The following PATJ variants were observed in gnomAD, a reference collection of about 807,000 sequenced individuals.
PATJ encodes inaD-like protein.
A neutral mutation model predicts 224.9 loss-of-function variants in PATJ; 190 were observed. The ratio of observed to expected loss-of-function variants is 0.84; its 90% CI spans 0.75 to 0.95. The LOEUF is 0.95. Among genes scored for constraint, PATJ ranks in the 40% least tolerant of loss-of-function variants. The probability of loss-of-function intolerance (pLI) is 0.00; values close to 1 mark genes in which losing one functional copy is unlikely to be tolerated. For missense variants in PATJ, 2,121 were observed against 2,270.3 expected (o/e 0.93, Z 1.34); for synonymous variants, 769 against 820.3 (o/e 0.94, Z 1.07).
intron 16 of PATJ, among the ~76,000 whole-genome samples, chr1:61,827,932 C>G (rs567594174): frequency 6.6e-6 from 1 of 152,216 alleles, no homozygotes; most frequent in South Asian, 2.1e-4. Flanking sequence ...CTAATGTACT[C>G]CCCTTTTTAA....
intron 30 of PATJ, among the ~76,000 whole-genome samples, chr1:62,041,990 A>C (rs1488687763): frequency 1.3e-5 from 2 of 152,094 alleles, no homozygotes; most frequent in African/African-American, 4.8e-5. Context: ...CCATCTCAAA[A>C]ATAAATAAGT....
intron 25 of PATJ, among the ~76,000 whole-genome samples, chr1:61,912,795 G>A (rs919354794): frequency 3.3e-5 from 5 of 152,034 alleles, no homozygotes; most frequent in African/African-American, 1.2e-4. Context: ...CTTCTATTTA[G>A]CATCAGCTAG....
At chr1:62,049,767 G>A (rs902850656) in intron 30 of PATJ, among the ~76,000 whole-genome samples, 1 of 152,096 alleles carries the variant, frequency 6.6e-6, no homozygotes, top group South Asian at 2.1e-4. Flanking sequence ...AAAAAGTCAC[G>A]AAAGAAAACA....
At chr1:62,111,763 C>G (rs972931065) in intron 34 of PATJ, among the ~76,000 whole-genome samples, 1 of 151,400 alleles carries the variant, frequency 6.6e-6, no homozygotes, top group Non-Finnish European at 1.5e-5. Context: ...CAGGTTCAAG[C>G]AATTCTCCTG....
intron 27 of PATJ, among the ~76,000 whole-genome samples, chr1:61,949,814 G>A (rs1367755590): frequency 2.3e-5 from 3 of 129,464 alleles, no homozygotes; most frequent in Non-Finnish European, 5.2e-5. Flanking sequence ...GCTGAGGCAG[G>A]AGAATCACAT....
chr1:61,862,280 T>A (rs1305539353), intron 19 of PATJ, among the ~76,000 whole-genome samples: 1 of 151,144 alleles, frequency 6.6e-6, no homozygotes, highest in African/African-American at 2.4e-5. Flanking sequence ...CACTGCAACC[T>A]TTGCCTCCCA....
intron 27 of PATJ, among the ~76,000 whole-genome samples, chr1:61,936,633 G>A (rs1185541499): frequency 7.9e-5 from 12 of 151,864 alleles, no homozygotes; most frequent in African/African-American, 2.9e-4. Flanking sequence ...GTGCAGTGGC[G>A]TGATCTCGGC....
intron 16 of PATJ, among the ~76,000 whole-genome samples, chr1:61,832,101 A>T (rs569357680): frequency 6.6e-6 from 1 of 152,154 alleles, no homozygotes; most frequent in African/African-American, 2.4e-5. Context: ...ACATGTTCTC[A>T]CTCATAAGTG....
chr1:62,017,366 A>G (rs2148377170), intron 28 of PATJ, among the ~76,000 whole-genome samples: 1 of 151,140 alleles, frequency 6.6e-6, no homozygotes, highest in East Asian at 1.9e-4. Context: ...GTGAGCCGAG[A>G]TCATGCCACT....
At chr1:62,028,985 A>ATACATACATACG (rs1648630517) in intron 29 of PATJ, among the ~76,000 whole-genome samples, 2 of 151,542 alleles carry the variant, frequency 1.3e-5, no homozygotes, top group Non-Finnish European at 2.9e-5. Context: ...ACATACATAC[A>ATACATACATACG]TACATACATA....
At chr1:62,069,249 G>C (rs1656998056) in intron 31 of PATJ, among the ~76,000 whole-genome samples, 1 of 152,180 alleles carries the variant, frequency 6.6e-6, no homozygotes, top group Non-Finnish European at 1.5e-5. Context: ...TAAGAGCAAG[G>C]GCTCTGCAGC....
At chr1:61,886,368 G>A (rs1394589058) in intron 22 of PATJ, among the ~76,000 whole-genome samples, 1 of 152,194 alleles carries the variant, frequency 6.6e-6, no homozygotes, top group African/African-American at 2.4e-5. Flanking sequence ...TAGGGTCAAT[G>A]TAGATAAGAC....
At chr1:61,750,745 T>A (rs1200645481) in intron 1 of PATJ, among the ~76,000 whole-genome samples, 1 of 151,994 alleles carries the variant, frequency 6.6e-6, no homozygotes, top group African/African-American at 2.4e-5. Flanking sequence ...CGACCCATTT[T>A]TCGGCGCTTG....
chr1:61,864,546 T>C lies in PATJ; in HGVS notation c.2748T>C (p.Asn916=), dbSNP rs375640743. ...LHFGTQWLHD[N]EPSESQEART... ...TTGGTACACAGTGGTTGCATGATAATGAACCATCCGAGTCTCAAGAGGCAA... is the reference window on the plus strand; with the variant it reads ...TTGGTACACAGTGGTTGCATGATAACGAACCATCCGAGTCTCAAGAGGCAA... Residue 916 remains asparagine (N), a synonymous_variant, in exon 20 of 44, where the codon AAT becomes AAC. Transcript: ENST00000642238. 247 of 1,613,230 alleles carry C rather than the reference T, an allele frequency of 1.5e-4. No individual in the cohort carries two copies. Among genetic ancestry groups the C allele is most frequent in the Non-Finnish European group, 2.1e-4 (243 of 1,179,714 alleles).
intron 41 of PATJ, among the ~76,000 whole-genome samples, chr1:62,136,173 C>T (rs904519849): frequency 6.6e-6 from 1 of 151,806 alleles, no homozygotes; most frequent in Non-Finnish European, 1.5e-5. Flanking sequence ...GCTGGGATTA[C>T]AGGCTCACAC....
chr1:62,028,499 G>T (rs1406622308), intron 29 of PATJ, among the ~76,000 whole-genome samples: 1 of 152,176 alleles, frequency 6.6e-6, no homozygotes, highest in African/African-American at 2.4e-5. Context: ...CATATACAGG[G>T]TGAGTGTGGT....
chr1:61,763,516 A>T (rs1378028501), intron 3 of PATJ, among the ~76,000 whole-genome samples: 2 of 149,284 alleles, frequency 1.3e-5, no homozygotes, highest in African/African-American at 2.5e-5. Context: ...TGGATGGCAG[A>T]GTTGAGACCC....
chr1:61,934,558 A>T (rs1006737575), intron 27 of PATJ, among the ~76,000 whole-genome samples: 7 of 152,190 alleles, frequency 4.6e-5, no homozygotes, highest in Non-Finnish European at 7.3e-5. Flanking sequence ...TGAAGAAGGT[A>T]TTATACCTTC....
chr1:62,150,016 G>A (rs2149035605), intron 42 of PATJ, among the ~76,000 whole-genome samples: 1 of 152,260 alleles, frequency 6.6e-6, no homozygotes, highest in Non-Finnish European at 1.5e-5. Flanking sequence ...ATGGCCACAG[G>A]AGGTAGCTCT....
Sources: gnomAD v4.1 joint callset for allele counts (sites outside exome capture counted in the v4.1 genomes callset) on GRCh38, gnomAD v4.1.1 for gene constraint, MANE v1.5 for transcripts, NCBI Gene and HGNC (gene_info 2026-07-23, HGNC 2026-07-21) for gene names.